Variants in SMTNL2 observed in about 807,000 individuals in gnomAD.
SMTNL2 encodes smoothelin-like protein 2.
Under a neutral mutation model 44.1 loss-of-function variants are expected in SMTNL2, and 43 were observed. The ratio of observed to expected loss-of-function variants is 0.98; its 90% CI spans 0.76 to 1.26. The LOEUF is 1.26. Ranked by LOEUF, SMTNL2 falls within the 50% of genes most tolerant of loss-of-function variation. The pLI is 0.00. For missense variants in SMTNL2, 646 were observed against 670.2 expected, an observed-to-expected ratio of 0.96 and a Z score of 0.40; for synonymous variants, 317 against 287.6, an observed-to-expected ratio of 1.10 and a Z score of -1.03.
chr17:4,590,827 A>G (rs1183388723), intron 1 of SMTNL2, among the ~76,000 whole-genome samples: 2 of 152,160 alleles, frequency 1.3e-5, no homozygotes, highest in Non-Finnish European at 2.9e-5. Flanking sequence ...GGTGTGCCTG[A>G]AACACAGAGC....
Position 4,607,212 on chromosome 17 carries a change from G to C in SMTNL2, c.1260-149G>C. ...GTCAGTGACTCCAAGGGTTCTGCCAGGGTTATCTGAATTCCCCGCTGGTGG... is the reference window on the plus strand; with the variant it reads ...GTCAGTGACTCCAAGGGTTCTGCCACGGTTATCTGAATTCCCCGCTGGTGG... On this transcript the variant is annotated intron_variant, in intron 7 of 7. Transcript: ENST00000389313. The surrounding 1 kb of genome is among the most constrained non-coding windows in gnomAD (Gnocchi z 4.7). 1 of 1,240,512 alleles carries C rather than the reference G, an allele frequency of 8.1e-7. No individual in the cohort carries two copies. The highest frequency in any genetic ancestry group is 1.1e-6 in the Non-Finnish European group (1 of 887,968). The allele number at this position is 1,240,512 out of a possible 1,614,324, so 76.8% of individuals were successfully genotyped here. A position where few individuals can be genotyped will look rare whatever the true frequency, so the allele number is the denominator to read the frequency against.
At chr17:4,584,385 G>C (rs1909249744), upstream of SMTNL2, among the ~76,000 whole-genome samples, 1 of 152,142 alleles carries the variant, frequency 6.6e-6, no homozygotes, top group Non-Finnish European at 1.5e-5. Flanking sequence ...GAGGGGAGAG[G>C]CTGGGCGAGC....
At chr17:4,597,397 ATGGGGGCGAG>A in intron 7 of SMTNL2, 74 bp downstream of exon 7, 1 of 1,575,074 alleles carries the variant, frequency 6.3e-7, no homozygotes, top group South Asian at 1.2e-5. Flanking sequence ...CAGGTGGGGC[ATGGGGGCGAG>A]TGGGATGTCG....
chr17:4,586,300 T>G (rs1463321995), intron 1 of SMTNL2, among the ~76,000 whole-genome samples: 1 of 152,184 alleles, frequency 6.6e-6, no homozygotes, highest in African/African-American at 2.4e-5. Context: ...GTGGATACAC[T>G]TAAGTCTGTC....
At chr17:4,588,150 G>A (rs1012047319) in intron 1 of SMTNL2, among the ~76,000 whole-genome samples, 3 of 152,240 alleles carry the variant, frequency 2.0e-5, no homozygotes, top group African/African-American at 7.2e-5. Context: ...GTGAGTGGAG[G>A]AGGGCCGGGT....
intron 1 of SMTNL2, among the ~76,000 whole-genome samples, chr17:4,585,699 G>A (rs1346856259): frequency 6.6e-6 from 1 of 152,272 alleles, no homozygotes; most frequent in African/African-American, 2.4e-5. Context: ...GGGCCACCCA[G>A]AGCAGTTAGA....
At chr17:4,602,472 G>A (rs1014567570) in intron 7 of SMTNL2, among the ~76,000 whole-genome samples, 62 of 151,900 alleles carry the variant, frequency 4.1e-4, no homozygotes, top group African/African-American at 1.4e-3. Flanking sequence ...ACAGGCATGC[G>A]CCACCATGCC....
chr17:4,588,489 G>A (rs879543912), intron 1 of SMTNL2, among the ~76,000 whole-genome samples: 10 of 152,148 alleles, frequency 6.6e-5, no homozygotes, highest in Non-Finnish European at 1.3e-4. Flanking sequence ...AGCGATTTCT[G>A]CCCCGGTCCC....
chr17:4,600,414 C>T lies in SMTNL2; in HGVS notation c.1259+3091C>T. Among the ~76,000 whole-genome samples the T allele has an allele frequency of 6.6e-6, 1 of 152,134 alleles. No homozygotes were observed. ...AGGAGCCTGGGGTCTGACAAGACAA[C>T]TTCTGGAAGGGAAAGGAGGACACAG... On this transcript the variant is annotated intron_variant, in intron 7 of 7. Transcript: ENST00000389313. This position sits in a 1 kb window ranked among gnomAD's most constrained non-coding sequence, Gnocchi z 4.7.
chr17:4,597,505 AT>A (rs1909869127), intron 7 of SMTNL2, among the ~76,000 whole-genome samples, 182 bp downstream of exon 7: 2 of 152,134 alleles, frequency 1.3e-5, no homozygotes, highest in East Asian at 3.9e-4. Context: ...CTGGAGAGGG[AT>A]TTTCCCAGAG....
Position 4,596,974 on chromosome 17 carries a change from C to G in SMTNL2, c.1104C>G (p.Tyr368Ter). ...LEWCRSKTLG[Y>*]QHVDLQNFSS... ...GGTGCCGCAGCAAGACGCTGGGCTA[C>G]CAGGTGAGCCCCGGCTCCCCTCCGG... Residue 368 changes from tyrosine (Y) to a stop codon, truncating the protein, a stop_gained, in exon 6 of 8, where the codon TAC (tyrosine) becomes TAG (stop). Transcript: ENST00000389313. LOFTEE classifies it high-confidence loss of function. The G allele has an allele frequency of 6.7e-7, 1 of 1,503,610 alleles. No individual in the cohort carries two copies. 93.1% of individuals were successfully genotyped at this position (1,503,610 alleles called of 1,614,324 possible).
rs780066090 is a variant in SMTNL2, at chr17:4,607,476, C to A, written c.1375C>A (p.Arg459Ser). ...YVQSLYNHLR[R>S]FE Reference sequence around the variant, plus strand: ...CCAGTCGCTGTACAACCACCTGCGTCGCTTCGAGTAAAGCCCCTGAGCCTG... The same window carrying A: ...CCAGTCGCTGTACAACCACCTGCGTAGCTTCGAGTAAAGCCCCTGAGCCTG... The change falls in exon 8 of 8, where the codon CGC (arginine) becomes AGC (serine). Residue 459 changes from arginine (R) to serine (S), a missense_variant. Physicochemically the swap from Arg to Ser is moderately radical, Grantham distance 110. Coordinates refer to ENST00000389313, the MANE Select transcript of SMTNL2 (RefSeq NM_001114974.2). The surrounding 1 kb of genome is among the most constrained non-coding windows in gnomAD (Gnocchi z 4.7). The A allele has an allele frequency of 6.2e-7, 1 of 1,614,108 alleles. No homozygotes were observed. The highest frequency in any genetic ancestry group is 8.5e-7 in the Non-Finnish European group (1 of 1,179,972).
At position 4,593,017 on chromosome 17, in the gene SMTNL2, G is replaced by T; in HGVS notation, c.576G>T (p.Leu192=). The T allele has an allele frequency of 6.2e-7, 1 of 1,613,414 alleles. No homozygotes were observed. Among genetic ancestry groups the T allele is most frequent in the Non-Finnish European group, 8.5e-7 (1 of 1,179,954 alleles). Residue 192 remains leucine (L), a synonymous_variant, in exon 3 of 8, where the codon CTG becomes CTT. Transcript: ENST00000389313. ...RPRPVSLSLR[L]PHQPVTAITR... Reference sequence around the variant, plus strand: ...GTCCTGTGAGCCTCTCCTTGCGGCTGCCCCACCAGCCAGTCACGGCCATCA... The same window carrying T: ...GTCCTGTGAGCCTCTCCTTGCGGCTTCCCCACCAGCCAGTCACGGCCATCA...
intron 7 of SMTNL2, among the ~76,000 whole-genome samples, chr17:4,597,540 G>A (rs1909869807): frequency 6.6e-6 from 1 of 152,130 alleles, no homozygotes; most frequent in African/African-American, 2.4e-5. Context: ...AGTGGTGGAG[G>A]GGGACTCCGT....
chr17:4,595,183 C>T lies in SMTNL2; in HGVS notation c.845C>T (p.Pro282Leu). 3.7e-6 allele frequency: 6 copies of T among 1,613,158 alleles called. No individual in the cohort carries two copies. Among genetic ancestry groups the T allele is most frequent in the East Asian group, 2.2e-5 (1 of 44,868 alleles). The change falls in exon 5 of 8, where the codon CCG becomes CTG. Residue 282 changes from proline (P) to leucine (L), a missense_variant. Transcript: ENST00000389313. This position sits in a 1 kb window ranked among gnomAD's most constrained non-coding sequence, Gnocchi z 5.1. ...LVTPPQSPVS[P>L]QPPAITQVHR... Reference sequence around the variant, plus strand: ...ACACCACCCCAGTCGCCCGTGTCCCCGCAGCCGCCAGCCATAACTCAGGTC... The same window carrying T: ...ACACCACCCCAGTCGCCCGTGTCCCTGCAGCCGCCAGCCATAACTCAGGTC...
chr17:4,584,525 G>C (rs926622621), upstream of SMTNL2: 3 of 1,203,270 alleles, frequency 2.5e-6, no homozygotes, highest in African/African-American at 1.6e-5. Flanking sequence ...AGCCACGGAC[G>C]GCCAGTCGCG....
chr17:4,597,625 A>T lies in SMTNL2; in HGVS notation c.1259+302A>T, dbSNP rs1597415048. 2.6e-5 allele frequency among the ~76,000 whole-genome samples: 4 copies of T among 152,212 alleles called. No homozygotes were observed. In the South Asian group the frequency reaches 8.3e-4, roughly 31 times the overall value. On this transcript the variant is annotated intron_variant, in intron 7 of 7. Coordinates refer to ENST00000389313, the MANE Select transcript of SMTNL2 (RefSeq NM_001114974.2). Reference sequence around the variant, plus strand: ...CTGGGAGACCAGCCACAGACCAGGCATGAAGGGCAGCAGGACAGGGTCCCC... The same window carrying T: ...CTGGGAGACCAGCCACAGACCAGGCTTGAAGGGCAGCAGGACAGGGTCCCC...
rs139886928 is a variant in SMTNL2 at position 4,595,110 on chromosome 17, G to C, written c.807-35G>C. 3 of 1,612,748 alleles carry C rather than the reference G, an allele frequency of 1.9e-6. No homozygotes were observed. The African/African-American group carries it at 4.0e-5, about 21-fold the overall frequency. On this transcript the variant is annotated intron_variant, in intron 4 of 7. Transcript: ENST00000389313. The surrounding 1 kb of genome is among the most constrained non-coding windows in gnomAD (Gnocchi z 5.1). ...GCCTGGTGAGCTAGTGATGGCTGCT[G>C]GGCCCAGGTCCCAACTCGGCGATTC...
At chr17:4,600,000 T>C (rs1909964780) in intron 7 of SMTNL2, among the ~76,000 whole-genome samples, 1 of 152,124 alleles carries the variant, frequency 6.6e-6, no homozygotes, top group Non-Finnish European at 1.5e-5. Flanking sequence ...GCTTTTCTGC[T>C]GACTCGAGGG....
Sources: gnomAD v4.1 joint callset for allele counts (sites outside exome capture counted in the v4.1 genomes callset) on GRCh38, gnomAD v4.1.1 for gene constraint, Gnocchi (gnomAD v3.1) non-coding constraint, MANE v1.5 for transcripts, NCBI Gene and HGNC (gene_info 2026-07-23, HGNC 2026-07-21) for gene names.